Variants in HTR2A observed in about 807,000 individuals in gnomAD.
HTR2A encodes 5-HT2 receptor.
In HTR2A, 14 loss-of-function variants were observed where a neutral mutation model predicts 31.0. The observed-to-expected ratio is 0.45, with a 90% confidence interval of 0.30 to 0.71. HTR2A has a LOEUF of 0.71. Ranked by LOEUF, HTR2A falls within the 30% of genes least tolerant of loss-of-function variation. The probability of loss-of-function intolerance (pLI) is 0.09; values close to 1 mark genes in which losing one functional copy is unlikely to be tolerated. For synonymous variants in HTR2A, 209 were observed against 225.2 expected (o/e 0.93, Z 0.64); for missense variants, 442 against 573.3 (o/e 0.77, Z 2.34).
Position 46,834,779 on chromosome 13 carries a change from C to T in HTR2A, c.*58G>A, listed in dbSNP as rs1876376411. 22 of 1,308,302 alleles carry T rather than the reference C, an allele frequency of 1.7e-5. No homozygotes were observed. Among genetic ancestry groups the T allele is most frequent in the Middle Eastern group, 1.9e-4 (1 of 5,132 alleles). The allele number at this position is 1,308,302 out of a possible 1,614,324, so 81.0% of individuals were successfully genotyped here. A position where few individuals can be genotyped will look rare whatever the true frequency, so the allele number is the denominator to read the frequency against. ...TTTCCAATCTCATATTTTTTTTTTTCCAGATAGGTGAAAACTTGCTCAGTG... is the reference window on the plus strand; with the variant it reads ...TTTCCAATCTCATATTTTTTTTTTTTCAGATAGGTGAAAACTTGCTCAGTG... On this transcript the variant is annotated 3_prime_UTR_variant, in exon 4 of 4. Transcript: ENST00000542664.
At chr13:46,838,977 T>TACAC (rs67738033) in intron 3 of HTR2A, among the ~76,000 whole-genome samples, 9,792 of 140,794 alleles carry the variant, frequency 0.07, 880 homozygotes, top group African/African-American at 0.22. Flanking sequence ...GACACACACA[T>TACAC]ACACACACAC....
At chr13:46,892,085 G>T (rs937419656) in intron 3 of HTR2A, among the ~76,000 whole-genome samples, 5 of 152,246 alleles carry the variant, frequency 3.3e-5, no homozygotes, top group Non-Finnish European at 5.9e-5. Flanking sequence ...GGAAACCCAA[G>T]AATTAGAGTC....
chr13:46,880,117 T>G (rs1051732081), intron 3 of HTR2A, among the ~76,000 whole-genome samples: 17 of 152,216 alleles, frequency 1.1e-4, no homozygotes, highest in Admixed American at 9.2e-4. Flanking sequence ...CAGAGTAAAA[T>G]TTTCTCCAGC....
At chr13:46,887,615 T>A (rs80298007) in intron 3 of HTR2A, among the ~76,000 whole-genome samples, 6,132 of 151,620 alleles carry the variant, frequency 0.04, 268 homozygotes, top group East Asian at 0.25. Flanking sequence ...GATGAAAACA[T>A]GGAGAATTAT....
chr13:46,838,977 TACACAC>T (rs67738033), intron 3 of HTR2A, among the ~76,000 whole-genome samples: 38 of 140,890 alleles, frequency 2.7e-4, no homozygotes, highest in East Asian at 1.4e-3. Flanking sequence ...GACACACACA[TACACAC>T]ACACACACAC....
At position 46,857,565 on chromosome 13, in the gene HTR2A, T is replaced by C. The variant is rs115280871; in HGVS notation, c.614-21926A>G. Among the ~76,000 whole-genome samples the C allele has an allele frequency of 1.2e-3, 180 of 152,300 alleles. 1 individual carries two copies. The highest frequency in any genetic ancestry group is 4.0e-3 in the African/African-American group (167 of 41,568). ...TCCAAATACATAATCACATTGATGA[T>C]TACATTTCTACCTGTGAATTTTGGG... is the stretch of plus-strand genomic sequence containing the variant. On this transcript the variant is annotated intron_variant, in intron 3 of 3. Coordinates refer to ENST00000542664, the MANE Select transcript of HTR2A (RefSeq NM_000621.5).
At chr13:46,849,769 C>T (rs897751564) in intron 3 of HTR2A, among the ~76,000 whole-genome samples, 1 of 152,166 alleles carries the variant, frequency 6.6e-6, no homozygotes, top group African/African-American at 2.4e-5. Context: ...TGTTTTTTTC[C>T]TTTAGCAGTT....
At chr13:46,878,301 G>A (rs1424859005) in intron 3 of HTR2A, among the ~76,000 whole-genome samples, 1 of 152,228 alleles carries the variant, frequency 6.6e-6, no homozygotes, top group Non-Finnish European at 1.5e-5. Flanking sequence ...TGGAGCTTAG[G>A]AGGAGGAGAG....
At chr13:46,890,569 G>T (rs1951045074) in intron 3 of HTR2A, among the ~76,000 whole-genome samples, 2 of 152,170 alleles carry the variant, frequency 1.3e-5, no homozygotes, top group South Asian at 4.1e-4. Context: ...TTTTCTTTAA[G>T]GGGCTTTGTA....
chr13:46,894,621 C>T (rs1022143988), intron 2 of HTR2A, among the ~76,000 whole-genome samples: 1 of 152,224 alleles, frequency 6.6e-6, no homozygotes, highest in South Asian at 2.1e-4. Context: ...CTATCATAAC[C>T]TGTCTCTAAG....
intron 3 of HTR2A, among the ~76,000 whole-genome samples, chr13:46,850,314 T>C (rs1950674326): frequency 6.6e-6 from 1 of 152,246 alleles, no homozygotes; most frequent in African/African-American, 2.4e-5. Context: ...CTCCAGGCAC[T>C]ATCCTAAGTG....
intron 3 of HTR2A, among the ~76,000 whole-genome samples, chr13:46,858,135 A>G (rs1950753284): frequency 6.6e-6 from 1 of 152,190 alleles, no homozygotes; most frequent in African/African-American, 2.4e-5. Context: ...TTAGCTTTGT[A>G]GAGTGGTACC....
chr13:46,881,241 A>T (rs1301382177), intron 3 of HTR2A, among the ~76,000 whole-genome samples: 1 of 152,214 alleles, frequency 6.6e-6, no homozygotes, highest in Non-Finnish European at 1.5e-5. Flanking sequence ...ACTCAGGGAC[A>T]AGAGAAGGGG....
intron 3 of HTR2A, among the ~76,000 whole-genome samples, chr13:46,838,247 T>C (rs1950574578): frequency 6.6e-6 from 1 of 152,196 alleles, no homozygotes; most frequent in African/African-American, 2.4e-5. Flanking sequence ...TGTTCAACCA[T>C]TTGAGACATC....
chr13:46,885,368 G>T (rs1950998276), intron 3 of HTR2A, among the ~76,000 whole-genome samples: 1 of 152,134 alleles, frequency 6.6e-6, no homozygotes, highest in Admixed American at 6.5e-5. Context: ...CTTTCAAATT[G>T]TCTATTTCTT....
chr13:46,872,452 A>G (rs949079557), intron 3 of HTR2A, among the ~76,000 whole-genome samples: 1 of 145,900 alleles, frequency 6.9e-6, no homozygotes, highest in African/African-American at 2.5e-5. Flanking sequence ...ATGCAAAATA[A>G]CTTTGGAGTT....
chr13:46,871,006 C>A (rs1653523009), intron 3 of HTR2A, among the ~76,000 whole-genome samples: 1 of 152,152 alleles, frequency 6.6e-6, no homozygotes, highest in South Asian at 2.1e-4. Flanking sequence ...GCCAAGCTTG[C>A]CTGTCTTAAT....
Position 46,834,970 on chromosome 13 carries a change from T to G in HTR2A, c.1283A>C (p.Gln428Pro). 1 of 1,614,168 alleles carries G rather than the reference T, an allele frequency of 6.2e-7. No homozygotes were observed. Among genetic ancestry groups the G allele is most frequent in the Non-Finnish European group, 8.5e-7 (1 of 1,179,982 alleles). The part of the protein sequence containing the change: ...AYKSSQLQMG[Q>P]KKNSKQDAKT... ...GGCATCTTGCTTTGAATTCTTTTTT[T>G]GTCCCATTTGAAGTTGGCTAGACTT... The change falls in exon 4 of 4, where the codon CAA (glutamine) becomes CCA (proline). Residue 428 changes from glutamine (Q) to proline (P), a missense_variant. By Grantham distance (76) the Gln-to-Pro change is moderately conservative. Around this residue, in one of 5 missense-constraint regions of HTR2A, gnomAD observed 88 missense variants for 83.1 expected, o/e 1.06. Transcript: ENST00000542664.
intron 3 of HTR2A, among the ~76,000 whole-genome samples, chr13:46,846,577 C>G (rs532177491): frequency 1.3e-5 from 2 of 152,310 alleles, no homozygotes; most frequent in South Asian, 4.1e-4. Flanking sequence ...CCCAGAATGG[C>G]TGATAATGGT....
Sources: allele counts gnomAD v4.1 joint callset (sites outside exome capture counted in the v4.1 genomes callset), GRCh38; gene constraint gnomAD v4.1.1; regional missense constraint gnomAD v4.1.1; transcripts MANE v1.5; gene names NCBI Gene and HGNC (gene_info 2026-07-23, HGNC 2026-07-21).